Variants in UST observed in about 807,000 individuals in gnomAD.
UST encodes the protein uronyl 2-sulfotransferase, also known as chondroitin sulfate 2-O-sulfotransferase.
A neutral mutation model predicts 45.6 loss-of-function variants in UST; 21 were observed. The ratio of observed to expected loss-of-function variants is 0.46; its 90% CI spans 0.33 to 0.66. UST has a LOEUF of 0.66. UST is among the 30% of genes least tolerant of loss of function. UST has a pLI of 0.02. For synonymous variants in UST, 215 were observed against 200.6 expected (o/e 1.07, Z -0.61); for missense variants, 463 against 512.4 (o/e 0.90, Z 0.93).
At chr6:149,022,335 C>A (rs768054804) in intron 7 of UST, among the ~76,000 whole-genome samples, 2 of 152,182 alleles carry the variant, frequency 1.3e-5, no homozygotes, top group Admixed American at 6.5e-5. Context: ...TGCGGTGGCT[C>A]ATGCCTATAA....
At position 149,073,924 on chromosome 6, in the gene UST, C is replaced by T. The variant is rs369320331; in HGVS notation, c.1029C>T (p.Tyr343=). The T allele has an allele frequency of 5.7e-5, 92 of 1,614,006 alleles. No homozygotes were observed. Among genetic ancestry groups the T allele is most frequent in the Middle Eastern group, 1.6e-4 (1 of 6,084 alleles). The change falls in exon 8 of 8, where the codon TAC becomes TAT. Residue 343 remains tyrosine (Y), a synonymous_variant. Transcript: ENST00000367463. ...AGATCCTCTACCAGCGGATGAGATA[C>T]GAGTACGAGTTTTACCACTACGTCA... The part of the protein sequence containing the change: ...AVQILYQRMR[Y]EYEFYHYVKE...
In UST at chr6:148,902,383, T is replaced by C. The variant is rs562930818; in HGVS notation, c.291+15354T>C. On this transcript the variant is annotated intron_variant, in intron 2 of 7. Transcript: ENST00000367463. ...CTGGGACTACAGGCATGTGCAACCA[T>C]GCCTGGCTAATTTTTTTTTTTTTTT... Among the ~76,000 whole-genome samples the C allele has an allele frequency of 1.7e-3, 255 of 151,228 alleles. 1 individual carries two copies. The highest frequency in any genetic ancestry group is 4.4e-3 in the Admixed American group (67 of 15,130).
At chr6:148,919,825 C>T (rs1779667217) in intron 2 of UST, among the ~76,000 whole-genome samples, 1 of 152,168 alleles carries the variant, frequency 6.6e-6, no homozygotes, top group South Asian at 2.1e-4. Flanking sequence ...TGCCAGGTGG[C>T]TTCTGACTAC....
chr6:148,925,113 C>T (rs1036555466), intron 2 of UST, among the ~76,000 whole-genome samples: 5 of 152,126 alleles, frequency 3.3e-5, no homozygotes, highest in African/African-American at 9.7e-5. Flanking sequence ...GTTTTGGTTC[C>T]TTCTGTACTA....
At chr6:148,874,730 G>A (rs148982358) in intron 1 of UST, among the ~76,000 whole-genome samples, 24 of 152,268 alleles carry the variant, frequency 1.6e-4, no homozygotes, top group African/African-American at 5.8e-4. Context: ...GTGTTTTGGG[G>A]CTGCATTAAT....
chr6:148,788,213 GAA>G (rs747210281), intron 1 of UST, among the ~76,000 whole-genome samples: 92 of 152,242 alleles, frequency 6.0e-4, no homozygotes, highest in Non-Finnish European at 1.1e-3. Flanking sequence ...CAGTATGAGA[GAA>G]ACTGCCCCCC....
chr6:148,986,088 A>T (rs961710257), intron 5 of UST, among the ~76,000 whole-genome samples: 1 of 152,170 alleles, frequency 6.6e-6, no homozygotes, highest in Non-Finnish European at 1.5e-5. Flanking sequence ...TCATCAGAGG[A>T]GTCCTGTGTG....
At chr6:149,056,598 A>G (rs1178507604) in intron 7 of UST, among the ~76,000 whole-genome samples, 1 of 152,172 alleles carries the variant, frequency 6.6e-6, no homozygotes, top group East Asian at 1.9e-4. Context: ...AGCAATTTGG[A>G]TGTTTTTAGA....
At chr6:148,834,191 C>T (rs559922519) in intron 1 of UST, among the ~76,000 whole-genome samples, 2 of 152,122 alleles carry the variant, frequency 1.3e-5, no homozygotes, top group South Asian at 2.1e-4. Context: ...CCATTTTAAC[C>T]GTGAATACAT....
intron 5 of UST, among the ~76,000 whole-genome samples, chr6:149,015,832 G>A (rs545264776): frequency 3.2e-4 from 48 of 152,290 alleles, no homozygotes; most frequent in African/African-American, 9.4e-4. Context: ...AAAGGCATCC[G>A]TCAGAACAGG....
At chr6:148,923,372 A>G (rs891282225) in intron 2 of UST, among the ~76,000 whole-genome samples, 3 of 152,220 alleles carry the variant, frequency 2.0e-5, no homozygotes, top group African/African-American at 7.2e-5. Context: ...TCCAAAGTGG[A>G]TGCACCATTT....
intron 7 of UST, among the ~76,000 whole-genome samples, chr6:149,053,465 T>C (rs1381799327): frequency 2.0e-5 from 3 of 152,220 alleles, no homozygotes; most frequent in African/African-American, 7.2e-5. Context: ...TTTTTCCCTG[T>C]CTTCTATGTT....
chr6:148,964,856 C>G (rs1192103838), intron 5 of UST, among the ~76,000 whole-genome samples: 1 of 152,194 alleles, frequency 6.6e-6, no homozygotes, highest in African/African-American at 2.4e-5. Context: ...GGAGTCCTGA[C>G]TAGCACTGTA....
intron 2 of UST, among the ~76,000 whole-genome samples, chr6:148,938,798 ATAT>A (rs1440928615): frequency 6.6e-6 from 1 of 151,196 alleles, no homozygotes; most frequent in Admixed American, 6.6e-5. Flanking sequence ...ATAGTATATA[ATAT>A]TATATCAAAA....
At chr6:148,901,459 A>G (rs771678444) in intron 2 of UST, among the ~76,000 whole-genome samples, 5 of 152,062 alleles carry the variant, frequency 3.3e-5, no homozygotes, top group Admixed American at 6.5e-5. Context: ...GTCTCAACAC[A>G]GGACCTCCAA....
chr6:149,056,130 T>C (rs1327517640), intron 7 of UST, among the ~76,000 whole-genome samples: 2 of 113,754 alleles, frequency 1.8e-5, no homozygotes, highest in South Asian at 3.0e-4. Context: ...TTTTTTTTTT[T>C]TTTTTTTTTT....
chr6:148,899,896 A>T (rs778767015), intron 2 of UST, among the ~76,000 whole-genome samples: 2 of 150,056 alleles, frequency 1.3e-5, no homozygotes, highest in Non-Finnish European at 3.0e-5. Context: ...CCCACCTCCC[A>T]CCCCCCATCA....
intron 1 of UST, among the ~76,000 whole-genome samples, chr6:148,763,018 CAGT>C (rs1776249844): frequency 6.6e-6 from 1 of 152,168 alleles, no homozygotes; most frequent in Non-Finnish European, 1.5e-5. Context: ...CGTAGATACC[CAGT>C]AGTGGGATTG....
At chr6:149,010,103 A>G (rs1249537964) in intron 5 of UST, among the ~76,000 whole-genome samples, 1 of 151,926 alleles carries the variant, frequency 6.6e-6, no homozygotes, top group East Asian at 1.9e-4. Flanking sequence ...CTATAGTTAC[A>G]TATTCTTTGT....
Sources: allele counts gnomAD v4.1 joint callset (sites outside exome capture counted in the v4.1 genomes callset), GRCh38; gene constraint gnomAD v4.1.1; transcripts MANE v1.5; gene names NCBI Gene and HGNC (gene_info 2026-07-23, HGNC 2026-07-21).